The following SUGT1 variants were observed in gnomAD, a reference collection of about 807,000 sequenced individuals.
SUGT1 encodes SGT1 assembly cochaperone of MIS12 kinetochore complex.
A neutral mutation model predicts 56.1 loss-of-function variants in SUGT1; 15 were observed. The observed-to-expected ratio is 0.27, with a 90% CI of 0.18 to 0.41. The LOEUF (loss-of-function observed/expected upper bound fraction) is 0.41. Among genes scored for constraint, SUGT1 ranks in the 10% least tolerant of loss-of-function variants. The pLI is 1.00. For synonymous variants in SUGT1, 123 were observed against 128.6 expected (o/e 0.96, Z 0.30); for missense variants, 347 against 382.2 (o/e 0.91, Z 0.77).
chr13:52,664,282 A>G (rs1962586467), intron 8 of SUGT1, among the ~76,000 whole-genome samples: 1 of 152,182 alleles, frequency 6.6e-6, no homozygotes, highest in Admixed American at 6.5e-5. Context: ...AAGTTGCTTC[A>G]CTTGGTTTCA....
rs568398399 is a variant in SUGT1, at chr13:52,665,563, G to A, written c.423-74G>A. The A allele has an allele frequency of 3.2e-4, 341 of 1,067,994 alleles. 2 individuals are homozygous for A. In the African/African-American group the frequency reaches 4.8e-3, roughly 15 times the overall value. The allele number at this position is 1,067,994 out of a possible 1,614,324, so 66.2% of individuals were successfully genotyped here. ...CAGGTGGGGCTCTTGTTGTTTATCA[G>A]ACTAGTTTTTGTTTTGACAATAGCT... On this transcript the variant is annotated intron_variant, in intron 8 of 12. Transcript: ENST00000310528.
chr13:52,670,493 A>G (rs1019436676), intron 10 of SUGT1, among the ~76,000 whole-genome samples: 22 of 152,168 alleles, frequency 1.4e-4, no homozygotes, highest in African/African-American at 4.8e-4. Context: ...TTAAAAATTA[A>G]TTTTCATTCC....
chr13:52,688,668 G>A lies in SUGT1; in HGVS notation c.*833G>A, dbSNP rs1227985697. On this transcript the variant is annotated 3_prime_UTR_variant, in exon 13 of 13. Transcript: ENST00000310528. ...ATTACTTTGGTTTCATTGGTTTATG[G>A]TAACTGCTGTGAGAGTAAATTAATG... The A allele has an allele frequency of 6.6e-6, 1 of 152,030 alleles. No homozygotes were observed. Among genetic ancestry groups the A allele is most frequent in the African/African-American group, 2.4e-5 (1 of 41,376 alleles). The allele number at this position is 152,030 out of a possible 1,614,324, so 9.4% of individuals were successfully genotyped here.
intron 10 of SUGT1, among the ~76,000 whole-genome samples, chr13:52,670,177 TTGAG>T (rs770529606): frequency 5.2e-4 from 79 of 152,330 alleles, no homozygotes; most frequent in Admixed American, 9.1e-4. Context: ...TATTATTTAT[TTGAG>T]TGATATGTAA....
chr13:52,672,045 A>G (rs1962968047), intron 10 of SUGT1, among the ~76,000 whole-genome samples: 1 of 152,212 alleles, frequency 6.6e-6, no homozygotes, highest in Non-Finnish European at 1.5e-5. Flanking sequence ...AGGATATGTA[A>G]TAAGAGCTCA....
rs1255446198 is a variant in SUGT1 at position 52,693,517 on chromosome 13, G to A, written c.*5682G>A. ...AATGCATGGACTCTGAAGCCATCCTGTTTGGGATCATCCTGGCTACATTGC... is the reference window on the plus strand; with the variant it reads ...AATGCATGGACTCTGAAGCCATCCTATTTGGGATCATCCTGGCTACATTGC... On this transcript the variant is annotated 3_prime_UTR_variant, in exon 13 of 13. Transcript: ENST00000310528. The A allele has an allele frequency of 6.6e-6, 1 of 152,202 alleles. No homozygotes were observed. Among genetic ancestry groups the A allele is most frequent in the Non-Finnish European group, 1.5e-5 (1 of 68,038 alleles). 9.4% of individuals were successfully genotyped at this position (152,202 alleles called of 1,614,324 possible). A position where few individuals can be genotyped will look rare whatever the true frequency, so the allele number is the denominator to read the frequency against.
chr13:52,657,714 T>C, intron 3 of SUGT1, 92 bp downstream of exon 3: 1 of 1,183,224 alleles, frequency 8.5e-7, no homozygotes, highest in Non-Finnish European at 1.2e-6. Context: ...TGAGAATTTT[T>C]AAATTGGTCT....
At chr13:52,675,290 C>A (rs544270536) in intron 10 of SUGT1, among the ~76,000 whole-genome samples, 1 of 152,132 alleles carries the variant, frequency 6.6e-6, no homozygotes, top group African/African-American at 2.4e-5. Context: ...TTTTAAAAAT[C>A]CACCTGGGCT....
intron 2 of SUGT1, among the ~76,000 whole-genome samples, chr13:52,655,976 C>T (rs1274761846): frequency 2.6e-5 from 4 of 152,046 alleles, no homozygotes; most frequent in Non-Finnish European, 5.9e-5. Flanking sequence ...CCAAGGAGAA[C>T]ATTAGTTTTT....
At chr13:52,686,326 A>G (rs1343595457) in intron 12 of SUGT1, among the ~76,000 whole-genome samples, 2 of 152,202 alleles carry the variant, frequency 1.3e-5, no homozygotes, top group African/African-American at 4.8e-5. Context: ...TACGATATGA[A>G]TATTAGTAAA....
In SUGT1 at chr13:52,698,848, A is replaced by G. The variant is rs1325093192; in HGVS notation, c.*11013A>G. The G allele has an allele frequency of 6.6e-6, 1 of 152,214 alleles. No individual in the cohort carries two copies. Among genetic ancestry groups the G allele is most frequent in the East Asian group, 1.9e-4 (1 of 5,192 alleles). The allele number at this position is 152,214 out of a possible 1,614,324, so 9.4% of individuals were successfully genotyped here. A position where few individuals can be genotyped will look rare whatever the true frequency, so the allele number is the denominator to read the frequency against. On this transcript the variant is annotated 3_prime_UTR_variant, in exon 13 of 13. Coordinates refer to ENST00000310528, the MANE Select transcript of SUGT1 (RefSeq NM_006704.5). ...GTGGTTCTTAAGCTTATTGGTGAGT[A>G]ACCTTCACTTGGGAAGCTTATTTTT...
At chr13:52,672,276 A>C (rs1962976156) in intron 10 of SUGT1, among the ~76,000 whole-genome samples, 1 of 152,144 alleles carries the variant, frequency 6.6e-6, no homozygotes, top group Non-Finnish European at 1.5e-5. Flanking sequence ...CCTGACACAT[A>C]CTGGAATCTT....
intron 12 of SUGT1, among the ~76,000 whole-genome samples, chr13:52,683,605 A>G (rs887456262): frequency 1.3e-5 from 2 of 152,222 alleles, no homozygotes; most frequent in Non-Finnish European, 2.9e-5. Flanking sequence ...TCATAAAATG[A>G]ATTAGGAAGC....
At chr13:52,684,717 G>A (rs1242775474) in intron 12 of SUGT1, among the ~76,000 whole-genome samples, 1 of 151,378 alleles carries the variant, frequency 6.6e-6, no homozygotes, top group African/African-American at 2.4e-5. Flanking sequence ...TTGTAGAGAC[G>A]AGGCCTCCCC....
Position 52,697,956 on chromosome 13 carries a change from AC to A in SUGT1, c.*10122del, listed in dbSNP as rs1164346237. 1 of 152,184 alleles carries A rather than the reference AC, an allele frequency of 6.6e-6. No individual in the cohort carries two copies. The allele number at this position is 152,184 out of a possible 1,614,324, so 9.4% of individuals were successfully genotyped here. A position where few individuals can be genotyped will look rare whatever the true frequency, so the allele number is the denominator to read the frequency against. The stretch of plus-strand genomic sequence containing the variant: ...TTATGTCTGCCGTTTATTCCTTAAC[AC>A]ATTAAACTATAGGTAATAGCATATG... On this transcript the variant is annotated 3_prime_UTR_variant, in exon 13 of 13. Transcript: ENST00000310528.
At chr13:52,681,825 C>A (rs1963386340) in intron 12 of SUGT1, among the ~76,000 whole-genome samples, 1 of 98,278 alleles carries the variant, frequency 1.0e-5, no homozygotes, top group South Asian at 4.2e-4. Flanking sequence ...CAAAGTGAGA[C>A]CCTATCTCTT....
At position 52,699,204 on chromosome 13, in the gene SUGT1, G is replaced by T. The variant is rs1178861874; in HGVS notation, c.*11369G>T. On this transcript the variant is annotated 3_prime_UTR_variant, in exon 13 of 13. Coordinates refer to ENST00000310528, the MANE Select transcript of SUGT1 (RefSeq NM_006704.5). ...ATGCTTTTTTTCTTCTTAATCTTGG[G>T]GGGTCATTATGATTAAGTTATTGAA... 1 of 152,066 alleles carries T rather than the reference G, an allele frequency of 6.6e-6. No homozygotes were observed. Among genetic ancestry groups the T allele is most frequent in the African/African-American group, 2.4e-5 (1 of 41,388 alleles). 9.4% of individuals were successfully genotyped at this position (152,066 alleles called of 1,614,324 possible). A position where few individuals can be genotyped will look rare whatever the true frequency, so the allele number is the denominator to read the frequency against.
chr13:52,661,789 A>G (rs1179867658), intron 5 of SUGT1, among the ~76,000 whole-genome samples: 1 of 152,148 alleles, frequency 6.6e-6, no homozygotes, highest in African/African-American at 2.4e-5. Flanking sequence ...AGTGTGTGTG[A>G]GAGTGTATTT....
At chr13:52,675,554 G>A (rs1203555775) in intron 10 of SUGT1, among the ~76,000 whole-genome samples, 1 of 152,136 alleles carries the variant, frequency 6.6e-6, no homozygotes, top group East Asian at 1.9e-4. Flanking sequence ...TCCAGCCTGG[G>A]AGACAGAGCA....
Sources: gnomAD v4.1 joint callset for allele counts (sites outside exome capture counted in the v4.1 genomes callset) on GRCh38, gnomAD v4.1.1 for gene constraint, MANE v1.5 for transcripts, NCBI Gene and HGNC (gene_info 2026-07-23, HGNC 2026-07-21) for gene names.